The following MX2 variants were observed in gnomAD, a reference collection of about 807,000 sequenced individuals.
MX2 encodes MX dynamin like GTPase 2, also known as interferon-induced GTP-binding protein Mx2.
In MX2, 51 loss-of-function variants were observed where a neutral mutation model predicts 74.0. The observed-to-expected ratio is 0.69, with a 90% confidence interval of 0.55 to 0.87. The LOEUF (loss-of-function observed/expected upper bound fraction) is 0.87, where lower values mean the gene tolerates loss of function less well. MX2 is among the 40% of genes least tolerant of loss of function. The pLI is 0.00. For synonymous variants in MX2, 369 were observed against 339.3 expected, an observed-to-expected ratio of 1.09 and a Z score of -0.96; for missense variants, 832 against 908.7, an observed-to-expected ratio of 0.92 and a Z score of 1.09.
At chr21:41,381,663 C>T (rs184794119) in intron 4 of MX2, among the ~76,000 whole-genome samples, 1,619 of 127,968 alleles carry the variant, frequency 0.013, 37 homozygotes, top group African/African-American at 0.048. Context: ...CCAGCCTGGG[C>T]GACAGAGCGA....
chr21:41,384,955 G>C (rs1375627151), intron 5 of MX2, among the ~76,000 whole-genome samples: 1 of 151,862 alleles, frequency 6.6e-6, no homozygotes, highest in Non-Finnish European at 1.5e-5. Flanking sequence ...TATTGAAATT[G>C]TCAAGATAGA....
At chr21:41,392,839 T>C (rs113489513) in intron 6 of MX2, among the ~76,000 whole-genome samples, 3,078 of 152,196 alleles carry the variant, frequency 0.02, 125 homozygotes, top group African/African-American at 0.07. Flanking sequence ...GCATGTTGAC[T>C]CATGCCTGCA....
intron 6 of MX2, among the ~76,000 whole-genome samples, chr21:41,394,466 G>A (rs1019199544): frequency 5.5e-4 from 83 of 152,086 alleles, no homozygotes; most frequent in African/African-American, 1.9e-3. Flanking sequence ...ACTACATCAC[G>A]CACCGCTGCC....
intron 1 of MX2, 125 bp from the exon 2 acceptor site, chr21:41,376,711 C>A (rs1422290782): frequency 2.9e-6 from 2 of 684,182 alleles, no homozygotes; most frequent in Non-Finnish European, 4.9e-6. Context: ...CACTGGACCC[C>A]TGGTCTCTGC....
chr21:41,364,683 T>A (rs995119877), intron 1 of MX2: 2 of 152,098 alleles, frequency 1.3e-5, no homozygotes, highest in African/African-American at 4.8e-5. Context: ...TAAGTATGAA[T>A]TTACAGGATC....
chr21:41,403,728 C>T, intron 12 of MX2: 4 of 466,662 alleles, frequency 8.6e-6, no homozygotes, highest in Non-Finnish European at 1.8e-5. Flanking sequence ...GTTGCCGTAG[C>T]TCTGTGGGTT....
intron 12 of MX2, chr21:41,403,960 C>T (rs1310955227): frequency 8.0e-6 from 2 of 249,036 alleles, no homozygotes; most frequent in African/African-American, 4.6e-5. Context: ...AAAATTAAAT[C>T]CCAGTTCTGA....
chr21:41,386,599 T>TC (rs2089581452), intron 5 of MX2, among the ~76,000 whole-genome samples: 1 of 152,162 alleles, frequency 6.6e-6, no homozygotes, highest in South Asian at 2.1e-4. Flanking sequence ...CCTAGACCTC[T>TC]CTCCTGCAGA....
At chr21:41,395,039 A>G (rs1464882322) in intron 6 of MX2, among the ~76,000 whole-genome samples, 7 of 152,176 alleles carry the variant, frequency 4.6e-5, no homozygotes, top group Non-Finnish European at 1.0e-4. Flanking sequence ...TTCAACATAC[A>G]CAAACAAGAA....
At chr21:41,395,967 C>T (rs442014) in intron 7 of MX2, among the ~76,000 whole-genome samples, 182 bp downstream of exon 7, 138,047 of 152,304 alleles carry the variant, frequency 0.91, 62,654 homozygotes, top group East Asian at 0.97. Flanking sequence ...TCTTAGATTC[C>T]AATGATGGTG....
At chr21:41,362,749 T>C (rs868198325) in intron 1 of MX2, among the ~76,000 whole-genome samples, 24 of 113,930 alleles carry the variant, frequency 2.1e-4, no homozygotes, top group African/African-American at 7.6e-4. Flanking sequence ...AGTTTTTTTT[T>C]CTTTTTTTTT....
intron 2 of MX2, 132 bp from the exon 3 acceptor site, chr21:41,377,657 T>A: frequency 2.2e-6 from 2 of 897,666 alleles, no homozygotes; most frequent in African/African-American, 1.7e-5. Context: ...GCAGCACCCC[T>A]CCATCCACCT....
intron 7 of MX2, among the ~76,000 whole-genome samples, chr21:41,396,074 A>C (rs1377868834): frequency 6.6e-6 from 1 of 152,248 alleles, no homozygotes; most frequent in East Asian, 1.9e-4. Context: ...CCTTATATTA[A>C]GAGATACATA....
In MX2 at chr21:41,392,590, G is replaced by A. The variant is rs889858809; in HGVS notation, c.871+1887G>A. Among the ~76,000 whole-genome samples the A allele has an allele frequency of 3.3e-5, 5 of 152,168 alleles. No homozygotes were observed. In the East Asian group the frequency reaches 5.8e-4, roughly 18 times the overall value. Reference sequence around the variant, plus strand: ...GAAAAAGTTCTGGAGATGGACGGTGGTGATGGTTACACAACAATGTAAATG... The same window carrying A: ...GAAAAAGTTCTGGAGATGGACGGTGATGATGGTTACACAACAATGTAAATG... On this transcript the variant is annotated intron_variant, in intron 6 of 13. Transcript: ENST00000330714.
At chr21:41,379,949 G>T in intron 3 of MX2, 68 bp from the exon 4 acceptor site, 1 of 1,583,174 alleles carries the variant, frequency 6.3e-7, no homozygotes, top group Non-Finnish European at 8.6e-7. Flanking sequence ...GGCAGGTTCT[G>T]GGAGCGAAGG....
Position 41,402,179 on chromosome 21 carries a change from A to AGTATG in MX2, c.1573+52_1573+53insTATGG. ...AAACCATCACTCTCATACCTTCCAT[A>AGTATG]GACCCCAGTGCCTTGGAGGGAGAGA... is the stretch of plus-strand genomic sequence containing the variant. On this transcript the variant is annotated intron_variant, in intron 11 of 13. Coordinates refer to ENST00000330714, the MANE Select transcript of MX2 (RefSeq NM_002463.2). The surrounding 1 kb of genome is among the most constrained non-coding windows in gnomAD (Gnocchi z 4.5). 1.9e-6 allele frequency: 3 copies of AGTATG among 1,569,706 alleles called. No individual in the cohort carries two copies. The highest frequency in any genetic ancestry group is 2.6e-6 in the Non-Finnish European group (3 of 1,156,906).
At chr21:41,392,769 C>G (rs557900513) in intron 6 of MX2, among the ~76,000 whole-genome samples, 1 of 151,992 alleles carries the variant, frequency 6.6e-6, no homozygotes, top group East Asian at 1.9e-4. Flanking sequence ...TTGAATTATT[C>G]CCTTGCAGAC....
Position 41,363,242 on chromosome 21 carries a change from T to G in MX2, c.-72+1187T>G, listed in dbSNP as rs1226919727. 1 of 152,078 alleles carries G rather than the reference T, an allele frequency of 6.6e-6. No homozygotes were observed. The highest frequency in any genetic ancestry group is 2.4e-5 in the African/African-American group (1 of 41,366). The allele number at this position is 152,078 out of a possible 1,614,324, so 9.4% of individuals were successfully genotyped here. A position where few individuals can be genotyped will look rare whatever the true frequency, so the allele number is the denominator to read the frequency against. ...TTTGACTCCCTTCGGATGTACAATTTTTTTTTCTTTTTCTTTTTTGAGACA... is the reference window on the plus strand; with the variant it reads ...TTTGACTCCCTTCGGATGTACAATTGTTTTTTCTTTTTCTTTTTTGAGACA... On this transcript the variant is annotated intron_variant, in intron 1 of 13. Transcript: ENST00000330714. This position sits in a 1 kb window ranked among gnomAD's most constrained non-coding sequence, Gnocchi z 4.2.
rs2089828349 is a variant in MX2, at chr21:41,402,550, CAG to C, written c.1573+426_1573+427del. On this transcript the variant is annotated intron_variant, in intron 11 of 13. Coordinates refer to ENST00000330714, the MANE Select transcript of MX2 (RefSeq NM_002463.2). The surrounding 1 kb of genome is among the most constrained non-coding windows in gnomAD (Gnocchi z 4.5). ...CAGCGGTCCCCAGTCTTTATGGCACCAGAGACTGCTTTCATGGAAGACAATTT... is the reference window on the plus strand; with the variant it reads ...CAGCGGTCCCCAGTCTTTATGGCACCAGACTGCTTTCATGGAAGACAATTT... 1 of 172,944 alleles carries C rather than the reference CAG, an allele frequency of 5.8e-6. No homozygotes were observed. Among genetic ancestry groups the C allele is most frequent in the African/African-American group, 2.4e-5 (1 of 42,140 alleles). The allele number at this position is 172,944 out of a possible 1,614,324, so 10.7% of individuals were successfully genotyped here. A position where few individuals can be genotyped will look rare whatever the true frequency, so the allele number is the denominator to read the frequency against.
Sources: gnomAD v4.1 joint callset for allele counts (sites outside exome capture counted in the v4.1 genomes callset) on GRCh38, gnomAD v4.1.1 for gene constraint, Gnocchi (gnomAD v3.1) non-coding constraint, MANE v1.5 for transcripts, NCBI Gene and HGNC (gene_info 2026-07-23, HGNC 2026-07-21) for gene names.